The following MTMR7 variants were observed in gnomAD, a reference collection of about 807,000 sequenced individuals.
MTMR7 encodes the protein phosphatidylinositol-3-phosphate phosphatase MTMR7.
In MTMR7, 76 loss-of-function variants were observed where a neutral mutation model predicts 81.2. The observed-to-expected ratio is 0.94, with a 90% CI of 0.78 to 1.13. The LOEUF (loss-of-function observed/expected upper bound fraction) is 1.13, where lower values mean the gene tolerates loss of function less well. Among genes scored for constraint, MTMR7 ranks in the 50% most tolerant of loss-of-function variants. The probability of loss-of-function intolerance (pLI) is 0.00; values close to 1 mark genes in which losing one functional copy is unlikely to be tolerated. For missense variants in MTMR7, 1,044 were observed against 820.0 expected (o/e 1.27, Z -3.34); for synonymous variants, 372 against 289.8 (o/e 1.28, Z -2.88).
At chr8:17,326,177 G>A (rs1162037230) in intron 7 of MTMR7, 1 of 152,160 alleles carries the variant, frequency 6.6e-6, no homozygotes, top group African/African-American at 2.4e-5. Flanking sequence ...AAAGCCTGGT[G>A]GTTAAGAGTG....
chr8:17,323,082 G>T (rs1050344731), intron 7 of MTMR7, among the ~76,000 whole-genome samples: 2 of 151,138 alleles, frequency 1.3e-5, no homozygotes, highest in African/African-American at 2.4e-5. Context: ...TGAGTAGCTG[G>T]GACTACAGGC....
At chr8:17,326,967 C>A (rs573270965) in intron 7 of MTMR7, among the ~76,000 whole-genome samples, 22 of 152,322 alleles carry the variant, frequency 1.4e-4, no homozygotes, top group African/African-American at 5.3e-4. Context: ...TCAGTCTTAT[C>A]TTTCCTTGGT....
At chr8:17,401,221 G>C (rs1821420715) in intron 1 of MTMR7, among the ~76,000 whole-genome samples, 1 of 152,114 alleles carries the variant, frequency 6.6e-6, no homozygotes, top group Non-Finnish European at 1.5e-5. Context: ...TTTTATATGT[G>C]ATGATAAATT....
intron 1 of MTMR7, among the ~76,000 whole-genome samples, chr8:17,388,854 A>G (rs1322461194): frequency 6.6e-6 from 1 of 152,168 alleles, no homozygotes; most frequent in Non-Finnish European, 1.5e-5. Context: ...TCATTTACAC[A>G]TTCCCATGCC....
At chr8:17,339,967 T>C (rs1819356938) in intron 6 of MTMR7, among the ~76,000 whole-genome samples, 1 of 152,270 alleles carries the variant, frequency 6.6e-6, no homozygotes, top group African/African-American at 2.4e-5. Flanking sequence ...TTTTTTGTTT[T>C]TGAGATGGAG....
intron 5 of MTMR7, among the ~76,000 whole-genome samples, chr8:17,348,501 G>A (rs192300929): frequency 2.2e-4 from 32 of 143,042 alleles, no homozygotes; most frequent in Admixed American, 6.5e-4. Flanking sequence ...AGTGAGCCGA[G>A]ATTGCACCAC....
chr8:17,320,289 A>AGCTG (rs1210706191), intron 7 of MTMR7, among the ~76,000 whole-genome samples: 4 of 152,296 alleles, frequency 2.6e-5, no homozygotes, highest in Admixed American at 2.0e-4. Flanking sequence ...AATCTGATCA[A>AGCTG]AAGTCTTCAA....
intron 7 of MTMR7, among the ~76,000 whole-genome samples, chr8:17,327,637 C>G (rs1482877798): frequency 8.3e-6 from 1 of 120,082 alleles, no homozygotes; most frequent in African/African-American, 5.7e-5. Context: ...AGGAAGAAAC[C>G]TGGTAAAAAA....
intron 7 of MTMR7, among the ~76,000 whole-genome samples, chr8:17,318,802 A>T (rs1256315538): frequency 6.6e-6 from 1 of 152,192 alleles, no homozygotes; most frequent in Non-Finnish European, 1.5e-5. Context: ...CCCCAGGGAC[A>T]GCTGACACAG....
chr8:17,378,597 A>G (rs1266031241), intron 1 of MTMR7, among the ~76,000 whole-genome samples: 1 of 152,220 alleles, frequency 6.6e-6, no homozygotes. Context: ...AATTGTTGCA[A>G]CTCATTTGCC....
intron 1 of MTMR7, among the ~76,000 whole-genome samples, chr8:17,406,704 G>C (rs549621159): frequency 3.7e-4 from 56 of 152,218 alleles, no homozygotes; most frequent in Admixed American, 3.7e-3. Flanking sequence ...GAAGTTTATA[G>C]CAGCATTATT....
intron 7 of MTMR7, among the ~76,000 whole-genome samples, chr8:17,330,900 C>T (rs1225478206): frequency 1.3e-5 from 2 of 152,190 alleles, no homozygotes; most frequent in East Asian, 1.9e-4. Context: ...TCCCTGTGCA[C>T]TTTGACCTTA....
chr8:17,365,343 G>C (rs1171383984), intron 3 of MTMR7, among the ~76,000 whole-genome samples: 1 of 152,068 alleles, frequency 6.6e-6, no homozygotes, highest in Non-Finnish European at 1.5e-5. Context: ...TGGCTTCCAA[G>C]TCTTTTCTTC....
chr8:17,300,119 C>G lies in MTMR7; in HGVS notation c.1726G>C (p.Ala576Pro). 1.2e-6 allele frequency: 2 copies of G among 1,614,112 alleles called. No individual in the cohort carries two copies. Among genetic ancestry groups the G allele is most frequent in the African/African-American group, 2.7e-5 (2 of 75,010 alleles). The change falls in exon 14 of 14, where the codon GCC (alanine) becomes CCC (proline). Residue 576 changes from alanine to proline, a missense_variant. Transcript: ENST00000180173. The stretch of plus-strand genomic sequence containing the variant: ...CCACTGTAATCCTGGGGAGTGTTGG[C>G]TATGCTGTTGTCTGAGGTAGAAAAC... The part of the protein sequence containing the change: ...SGFSTSDNSI[A>P]NTPQDYSGNM...
At chr8:17,302,032 G>C in intron 13 of MTMR7, 122 bp downstream of exon 13, 2 of 1,296,766 alleles carry the variant, frequency 1.5e-6, no homozygotes, top group Non-Finnish European at 2.2e-6. Context: ...TGTGTTTCAG[G>C]TGTTCTACTG....
At chr8:17,311,412 A>G (rs1290774954) in intron 9 of MTMR7, 99 bp downstream of exon 9, 2 of 1,507,386 alleles carry the variant, frequency 1.3e-6, no homozygotes, top group Non-Finnish European at 9.0e-7. Flanking sequence ...AAGAAAAATA[A>G]TGCTGGCAAG....
intron 5 of MTMR7, 132 bp from the exon 6 acceptor site, chr8:17,341,629 A>G: frequency 9.0e-7 from 1 of 1,113,820 alleles, no homozygotes; most frequent in Non-Finnish European, 1.2e-6. Context: ...AACGTGATAC[A>G]GCTTTCTGGA....
At chr8:17,329,867 G>C (rs1818905343) in intron 7 of MTMR7, among the ~76,000 whole-genome samples, 1 of 152,174 alleles carries the variant, frequency 6.6e-6, no homozygotes, top group Non-Finnish European at 1.5e-5. Context: ...GTCAGGTATT[G>C]TCACTGTGAC....
At chr8:17,383,500 C>A (rs1046897865) in intron 1 of MTMR7, among the ~76,000 whole-genome samples, 1 of 152,170 alleles carries the variant, frequency 6.6e-6, no homozygotes, top group East Asian at 1.9e-4. Context: ...AGTGGCAGAG[C>A]CAGATTTCAA....
Sources: allele counts gnomAD v4.1 joint callset (sites outside exome capture counted in the v4.1 genomes callset), GRCh38; gene constraint gnomAD v4.1.1; transcripts MANE v1.5; gene names NCBI Gene and HGNC (gene_info 2026-07-23, HGNC 2026-07-21).